ZNF585A: variants seen among roughly 807,000 people sequenced by gnomAD.
The protein encoded by ZNF585A is zinc finger protein 585A.
ZNF585A carries 9 observed loss-of-function variants against 14.9 expected under a neutral mutation model. The ratio of observed to expected loss-of-function variants is 0.60; its 90% CI spans 0.36 to 1.05. The LOEUF (loss-of-function observed/expected upper bound fraction) is 1.05. Ranked by LOEUF, ZNF585A falls within the 50% of genes least tolerant of loss-of-function variation. ZNF585A has a pLI of 0.01. For synonymous variants in ZNF585A, 276 were observed against 319.9 expected, an observed-to-expected ratio of 0.86 and a Z score of 1.46; for missense variants, 726 against 926.4, an observed-to-expected ratio of 0.78 and a Z score of 2.81.
chr19:37,166,890 G>A (rs1162742315), intron 2 of ZNF585A, among the ~76,000 whole-genome samples: 1 of 152,034 alleles, frequency 6.6e-6, no homozygotes, highest in Non-Finnish European at 1.5e-5. Flanking sequence ...CTGGAGTACA[G>A]TGGCATGATC....
rs1971835336 is a variant in ZNF585A, at chr19:37,151,878, T to A, written c.2021A>T (p.Lys674Met). 1.9e-6 allele frequency: 3 copies of A among 1,612,672 alleles called. No individual in the cohort carries two copies. Among genetic ancestry groups the A allele is most frequent in the Non-Finnish European group, 2.5e-6 (3 of 1,179,550 alleles). The change falls in exon 5 of 5, where the codon AAG becomes ATG. Residue 674 changes from lysine to methionine, a missense_variant. Lys to Met is a moderately conservative substitution (Grantham distance 95). Transcript: ENST00000292841. ...TCTGTGATGTGTAATCAACTCTGAC[T>A]TCTGTCGAAAGGTCTTCCCACATTC... is the stretch of plus-strand genomic sequence containing the variant. Reference protein sequence around the residue: ...CSECGKTFRQKSELITHHRIH... With the variant: ...CSECGKTFRQMSELITHHRIH...
chr19:37,157,888 CTTTTT>C (rs566034676), intron 2 of ZNF585A, among the ~76,000 whole-genome samples: 1 of 125,536 alleles, frequency 8.0e-6, no homozygotes. Flanking sequence ...AGGAAAAGTT[CTTTTT>C]TTTTTTTTTT....
At position 37,150,832 on chromosome 19, in the gene ZNF585A, T is replaced by A. The variant is rs931574185; in HGVS notation, c.*757A>T. The A allele has an allele frequency of 6.5e-6, 1 of 154,504 alleles. No individual in the cohort carries two copies. The highest frequency in any genetic ancestry group is 1.5e-5 in the Non-Finnish European group (1 of 68,216). The allele number at this position is 154,504 out of a possible 1,614,324, so 9.6% of individuals were successfully genotyped here. A position where few individuals can be genotyped will look rare whatever the true frequency, so the allele number is the denominator to read the frequency against. ...TTGTCCCAGATGACCATAAAATTCT[T>A]ACCTCGGAAGCTTTCTTGAAGGTGA... On this transcript the variant is annotated 3_prime_UTR_variant, in exon 5 of 5. Transcript: ENST00000292841.
At chr19:37,160,870 T>C (rs58874946) in intron 2 of ZNF585A, among the ~76,000 whole-genome samples, 2,912 of 152,112 alleles carry the variant, frequency 0.019, 85 homozygotes, top group African/African-American at 0.063. Context: ...TTCTTCTTCT[T>C]TTTAATTTTT....
chr19:37,155,730 A>G, intron 4 of ZNF585A, 135 bp downstream of exon 4: 1 of 914,018 alleles, frequency 1.1e-6, no homozygotes, highest in South Asian at 1.5e-5. Context: ...CCAAGGGGGC[A>G]TCAAGCAATA....
intron 2 of ZNF585A, among the ~76,000 whole-genome samples, chr19:37,162,973 T>TAA (rs1555776682): frequency 2.0e-5 from 3 of 151,766 alleles, no homozygotes; most frequent in Non-Finnish European, 4.4e-5. Context: ...CCTATAAACT[T>TAA]AAACCAAAAA....
chr19:37,161,515 G>A lies in ZNF585A; in HGVS notation c.73-5160C>T, dbSNP rs1238417. Among the ~76,000 whole-genome samples the A allele has an allele frequency of 3.7e-3, 567 of 152,236 alleles. 5 individuals carry two copies. The highest frequency in any genetic ancestry group is 0.013 in the African/African-American group (533 of 41,534). ...AGTTGAGCCTGAACAACACAGGTTT[G>A]AACTACGCAAGTCCACAGATACATG... is the stretch of plus-strand genomic sequence containing the variant. On this transcript the variant is annotated intron_variant, in intron 2 of 4. Coordinates refer to ENST00000292841, the MANE Select transcript of ZNF585A (RefSeq NM_001288800.2).
intron 3 of ZNF585A, 64 bp from the exon 4 acceptor site, chr19:37,156,021 TCTCTTATTC>T: frequency 6.2e-7 from 1 of 1,604,716 alleles, no homozygotes; most frequent in East Asian, 2.2e-5. Flanking sequence ...CAACCAATAA[TCTCTTATTC>T]TTTGATGAGG....
At chr19:37,161,852 G>A (rs1383901715) in intron 2 of ZNF585A, among the ~76,000 whole-genome samples, 1 of 152,172 alleles carries the variant, frequency 6.6e-6, no homozygotes, top group African/African-American at 2.4e-5. Context: ...GAGAGTGCAC[G>A]AGCACACAGG....
chr19:37,156,076 G>A (rs1971924696), intron 3 of ZNF585A, 119 bp from the exon 4 acceptor site: 3 of 1,556,014 alleles, frequency 1.9e-6, no homozygotes, highest in East Asian at 4.6e-5. Flanking sequence ...AACTTTTCAG[G>A]GTAAAATTCT....
Position 37,156,345 on chromosome 19 carries a change from G to A in ZNF585A, c.83C>T (p.Ser28Phe), listed in dbSNP as rs1283514938. 6.2e-7 allele frequency: 1 copy of A among 1,614,140 alleles called. No individual in the cohort carries two copies. Among genetic ancestry groups the A allele is most frequent in the Non-Finnish European group, 8.5e-7 (1 of 1,180,036 alleles). The change falls in exon 3 of 5, where the codon TCC becomes TTC. Residue 28 changes from serine to phenylalanine, a missense_variant. This residue lies in a region of ZNF585A where 483 missense variants were observed against 542.8 expected (regional missense o/e 0.89). Transcript: ENST00000292841. ...GAAATCGATAGCCACATCCCTGAAG[G>A]ACACTGATCCCTGTAAGGGCAAATT... is the stretch of plus-strand genomic sequence containing the variant. ...DHGSSYEGSV[S>F]FRDVAIDFSR...
rs1474391302 is a variant in ZNF585A, at chr19:37,147,990, G to C, written c.*3599C>G. Reference sequence around the variant, plus strand: ...CAATTGCTGTGAACATCTGAGTATAGGTTTTCATGTAAACAGAATTTTTCT... The same window carrying C: ...CAATTGCTGTGAACATCTGAGTATACGTTTTCATGTAAACAGAATTTTTCT... On this transcript the variant is annotated 3_prime_UTR_variant, in exon 5 of 5. Coordinates refer to ENST00000292841, the MANE Select transcript of ZNF585A (RefSeq NM_001288800.2). The C allele has an allele frequency of 6.6e-6, 1 of 152,146 alleles. No individual in the cohort carries two copies. The highest frequency in any genetic ancestry group is 6.5e-5 in the Admixed American group (1 of 15,268). The allele number at this position is 152,146 out of a possible 1,614,324, so 9.4% of individuals were successfully genotyped here.
Position 37,162,584 on chromosome 19 carries a change from T to C in ZNF585A, c.73-6229A>G, listed in dbSNP as rs1025676423. ...GACATGGAATCAATCTAAATGCCCA[T>C]CAGTGATAAACTGGATAAAGAAAAT... On this transcript the variant is annotated intron_variant, in intron 2 of 4. Transcript: ENST00000292841. Among the ~76,000 whole-genome samples, 157 of 152,274 alleles carry C rather than the reference T, an allele frequency of 1.0e-3. 3 individuals carry two copies. The highest frequency in any genetic ancestry group is 0.01 in the Admixed American group (154 of 15,298).
In ZNF585A at chr19:37,149,014, A is replaced by T. The variant is rs141018780; in HGVS notation, c.*2575T>A. ...AGGAGATGAAGGGATGACAGGCAGA[A>T]CACAGAGGATTTTTAGGGCAGTGAA... On this transcript the variant is annotated 3_prime_UTR_variant, in exon 5 of 5. Transcript: ENST00000292841. 9 of 152,334 alleles carry T rather than the reference A, an allele frequency of 5.9e-5. No homozygotes were observed. Among genetic ancestry groups the T allele is most frequent in the African/African-American group, 2.2e-4 (9 of 41,578 alleles). 9.4% of individuals were successfully genotyped at this position (152,334 alleles called of 1,614,324 possible).
At chr19:37,163,163 C>T (rs1174603497) in intron 2 of ZNF585A, among the ~76,000 whole-genome samples, 1 of 151,666 alleles carries the variant, frequency 6.6e-6, no homozygotes, top group Non-Finnish European at 1.5e-5. Flanking sequence ...TGACACCTCA[C>T]CAAATGATCT....
rs1371039175 is a variant in ZNF585A, at chr19:37,148,088, G to A, written c.*3501C>T. The A allele has an allele frequency of 6.6e-6, 1 of 152,154 alleles. No individual in the cohort carries two copies. Among genetic ancestry groups the A allele is most frequent in the Non-Finnish European group, 1.5e-5 (1 of 68,046 alleles). The allele number at this position is 152,154 out of a possible 1,614,324, so 9.4% of individuals were successfully genotyped here. A position where few individuals can be genotyped will look rare whatever the true frequency, so the allele number is the denominator to read the frequency against. On this transcript the variant is annotated 3_prime_UTR_variant, in exon 5 of 5. Coordinates refer to ENST00000292841, the MANE Select transcript of ZNF585A (RefSeq NM_001288800.2). The stretch of plus-strand genomic sequence containing the variant: ...AAATGTATGGTTAATAGTATAAGAA[G>A]CTGCCAAACTTTTGTGCATAGTGGA...
At chr19:37,154,085 G>C (rs965339052) in intron 4 of ZNF585A, among the ~76,000 whole-genome samples, 4 of 152,144 alleles carry the variant, frequency 2.6e-5, no homozygotes, top group Admixed American at 6.5e-5. Context: ...GAGGCTAGGG[G>C]GTATGGTACA....
At position 37,152,164 on chromosome 19, in the gene ZNF585A, C is replaced by T. The variant is rs766197974; in HGVS notation, c.1735G>A (p.Val579Ile). The T allele has an allele frequency of 2.5e-6, 4 of 1,608,152 alleles. No homozygotes were observed. Among genetic ancestry groups the T allele is most frequent in the Non-Finnish European group, 3.4e-6 (4 of 1,176,588 alleles). The stretch of plus-strand genomic sequence containing the variant: ...AAAGCTCTTCCACACTCAGTGCATA[C>T]ATAGGGTTTCTCTCCTGTATGAATT... ...QKIHTGEKPYVCTECGRAFIR... is the reference protein window; with the variant it reads ...QKIHTGEKPYICTECGRAFIR... Residue 579 changes from valine to isoleucine, a missense_variant, in exon 5 of 5, where the codon GTA becomes ATA. Transcript: ENST00000292841.
Position 37,152,242 on chromosome 19 carries a change from G to A in ZNF585A, c.1657C>T (p.His553Tyr). 1 of 1,613,728 alleles carries A rather than the reference G, an allele frequency of 6.2e-7. No individual in the cohort carries two copies. The highest frequency in any genetic ancestry group is 8.5e-7 in the Non-Finnish European group (1 of 1,179,924). Residue 553 changes from histidine to tyrosine, a missense_variant, in exon 5 of 5, where the codon CAC (histidine) becomes TAC (tyrosine). Coordinates refer to ENST00000292841, the MANE Select transcript of ZNF585A (RefSeq NM_001288800.2). ...IHTGERQYEC[H>Y]ECGKAFNQKS... ...TGGTTGAAGGCTTTCCCACATTCGT[G>A]GCATTCATACTGTCTCTCTCCAGTG...
Sources: gnomAD v4.1 joint callset for allele counts (sites outside exome capture counted in the v4.1 genomes callset) on GRCh38, gnomAD v4.1.1 for gene constraint, gnomAD v4.1.1 regional missense constraint, MANE v1.5 for transcripts, NCBI Gene and HGNC (gene_info 2026-07-23, HGNC 2026-07-21) for gene names.